The following FHIT variants were observed in gnomAD, a reference collection of about 807,000 sequenced individuals.
FHIT encodes the protein bis(5'-adenosyl)-triphosphatase.
A neutral mutation model predicts 17.9 loss-of-function variants in FHIT; 19 were observed. That is an observed-to-expected ratio of 1.06 (90% confidence interval 0.74 to 1.56). FHIT has a LOEUF of 1.56. Ranked by LOEUF, FHIT falls within the 40% of genes most tolerant of loss-of-function variation. The pLI is 0.00. For missense variants in FHIT, 248 were observed against 189.2 expected (o/e 1.31, Z -1.82); for synonymous variants, 81 against 69.7 (o/e 1.16, Z -0.81).
chr3:60,241,521 C>T (rs1358941022), intron 5 of FHIT, among the ~76,000 whole-genome samples: 1 of 152,094 alleles, frequency 6.6e-6, no homozygotes, highest in African/African-American at 2.4e-5. Context: ...AAGGTACTAT[C>T]TTCCTATTAA....
At chr3:61,083,204 A>T (rs145837161) in intron 2 of FHIT, among the ~76,000 whole-genome samples, 1 of 152,342 alleles carries the variant, frequency 6.6e-6, no homozygotes, top group East Asian at 1.9e-4. Context: ...CCAATTCACC[A>T]ATCAAGTGTA....
intron 3 of FHIT, among the ~76,000 whole-genome samples, chr3:60,896,010 G>C (rs1270998303): frequency 6.6e-6 from 1 of 151,846 alleles, no homozygotes; most frequent in Non-Finnish European, 1.5e-5. Flanking sequence ...GTGAGCAGCG[G>C]GCAGGGGAAC....
At chr3:60,777,679 T>A (rs1553724807) in intron 4 of FHIT, among the ~76,000 whole-genome samples, 1 of 152,238 alleles carries the variant, frequency 6.6e-6, no homozygotes, top group Non-Finnish European at 1.5e-5. Flanking sequence ...AACTTCAAGG[T>A]ATGGCAAGGA....
chr3:61,116,173 C>T (rs568386066), intron 2 of FHIT, among the ~76,000 whole-genome samples: 2 of 151,744 alleles, frequency 1.3e-5, no homozygotes, highest in African/African-American at 2.4e-5. Context: ...AAATGATCCT[C>T]GGGTCTTGGT....
At chr3:60,850,291 C>T (rs1451196271) in intron 3 of FHIT, among the ~76,000 whole-genome samples, 1 of 150,020 alleles carries the variant, frequency 6.7e-6, no homozygotes, top group Admixed American at 6.7e-5. Flanking sequence ...TACTTTGTTG[C>T]CATTTCCATG....
At chr3:60,438,968 A>G (rs2107321210) in intron 5 of FHIT, among the ~76,000 whole-genome samples, 1 of 152,170 alleles carries the variant, frequency 6.6e-6, no homozygotes, top group East Asian at 1.9e-4. Context: ...TAAGAGACTG[A>G]TGAAATATGC....
chr3:59,823,875 G>A (rs915776918), intron 8 of FHIT, among the ~76,000 whole-genome samples: 1 of 152,142 alleles, frequency 6.6e-6, no homozygotes, highest in Non-Finnish European at 1.5e-5. Context: ...GAGAAATAAA[G>A]GGCATCCAAA....
At chr3:59,948,373 C>T (rs1035778207) in intron 7 of FHIT, among the ~76,000 whole-genome samples, 1 of 137,246 alleles carries the variant, frequency 7.3e-6, no homozygotes, top group Admixed American at 7.8e-5. Context: ...AAAAATTAGC[C>T]GGGCATAGTG....
At chr3:60,063,900 A>G (rs547242495) in intron 5 of FHIT, among the ~76,000 whole-genome samples, 1 of 152,342 alleles carries the variant, frequency 6.6e-6, no homozygotes, top group African/African-American at 2.4e-5. Flanking sequence ...TACAGCTATT[A>G]AGAATAATGA....
intron 2 of FHIT, among the ~76,000 whole-genome samples, chr3:61,177,042 C>A (rs923552992): frequency 2.0e-5 from 3 of 151,960 alleles, no homozygotes; most frequent in Non-Finnish European, 2.9e-5. Context: ...CCAGGCATGG[C>A]GGCGGGCGCC....
intron 5 of FHIT, among the ~76,000 whole-genome samples, chr3:60,252,432 C>T (rs1705760388): frequency 1.3e-5 from 2 of 151,908 alleles, no homozygotes; most frequent in African/African-American, 4.8e-5. Flanking sequence ...ATCATAATGG[C>T]AACTGCCTGT....
chr3:60,783,591 G>C (rs1700467472), intron 4 of FHIT, among the ~76,000 whole-genome samples: 1 of 152,182 alleles, frequency 6.6e-6, no homozygotes, highest in Non-Finnish European at 1.5e-5. Context: ...GTTTATACCT[G>C]AGTGTGGGGA....
intron 5 of FHIT, among the ~76,000 whole-genome samples, chr3:60,361,330 G>C (rs1283176824): frequency 6.6e-6 from 1 of 152,194 alleles, no homozygotes; most frequent in Non-Finnish European, 1.5e-5. Context: ...CATCTCAAGA[G>C]AGGAGAGGTG....
intron 5 of FHIT, among the ~76,000 whole-genome samples, chr3:60,426,168 C>T (rs1386316128): frequency 2.6e-5 from 4 of 152,234 alleles, no homozygotes; most frequent in African/African-American, 7.2e-5. Context: ...AGTTATGAGT[C>T]TTTCAGCAGG....
At chr3:60,258,325 C>T (rs1336220471) in intron 5 of FHIT, among the ~76,000 whole-genome samples, 2 of 152,064 alleles carry the variant, frequency 1.3e-5, no homozygotes, top group East Asian at 1.9e-4. Flanking sequence ...CTGTAAGATC[C>T]CATCTCCATC....
chr3:61,144,974 T>G (rs2037185827), intron 2 of FHIT, among the ~76,000 whole-genome samples: 1 of 152,206 alleles, frequency 6.6e-6, no homozygotes, highest in Admixed American at 6.5e-5. Flanking sequence ...CAAAATTTTC[T>G]CCCATCTTTG....
chr3:60,117,034 C>G (rs186861258), intron 5 of FHIT, among the ~76,000 whole-genome samples: 424 of 152,214 alleles, frequency 2.8e-3, no homozygotes, highest in African/African-American at 9.5e-3. Context: ...CACTCTGTCC[C>G]AATCCTTAAA....
chr3:60,548,655 T>G (rs9860669), intron 4 of FHIT, among the ~76,000 whole-genome samples: 38,590 of 152,092 alleles, frequency 0.25, 5,613 homozygotes, highest in Middle Eastern at 0.35. Context: ...AACAACAGCA[T>G]CACTTGAGAG....
intron 5 of FHIT, among the ~76,000 whole-genome samples, chr3:60,134,032 C>A (rs1286642288): frequency 6.6e-6 from 1 of 151,920 alleles, no homozygotes; most frequent in Non-Finnish European, 1.5e-5. Context: ...ACCACTGAGA[C>A]ACAATGTAAG....
Sources: allele counts gnomAD v4.1 joint callset (sites outside exome capture counted in the v4.1 genomes callset), GRCh38; gene constraint gnomAD v4.1.1; transcripts MANE v1.5; gene names NCBI Gene and HGNC (gene_info 2026-07-23, HGNC 2026-07-21).